Variants in ZNF577 observed in about 807,000 individuals in gnomAD.
ZNF577 encodes zinc finger protein 577.
ZNF577 carries 14 observed loss-of-function variants against 13.9 expected under a neutral mutation model. The ratio of observed to expected loss-of-function variants is 1.00; its 90% CI spans 0.66 to 1.57. The LOEUF (loss-of-function observed/expected upper bound fraction) is 1.57, where lower values mean the gene tolerates loss of function less well. ZNF577 is among the 40% of genes most tolerant of loss of function. The probability of loss-of-function intolerance (pLI) is 0.00; values close to 1 mark genes in which losing one functional copy is unlikely to be tolerated. For synonymous variants in ZNF577, 203 were observed against 202.9 expected (o/e 1.00, Z 0.00); for missense variants, 555 against 579.2 (o/e 0.96, Z 0.43).
chr19:51,818,888 CT>C (rs1438884026), intron 9 of ZNF577, among the ~76,000 whole-genome samples: 2 of 152,068 alleles, frequency 1.3e-5, no homozygotes, highest in African/African-American at 4.8e-5. Flanking sequence ...CTTATTTTTC[CT>C]TTTGAAATAT....
intron 5 of ZNF577, chr19:51,860,631 T>C (rs1283374541): frequency 5.8e-6 from 1 of 171,946 alleles, no homozygotes; most frequent in African/African-American, 2.4e-5. Flanking sequence ...ATCTGATGTA[T>C]ATGTCACTTT....
chr19:51,817,695 T>C (rs138797344), intron 9 of ZNF577: 3 of 152,336 alleles, frequency 2.0e-5, no homozygotes, highest in African/African-American at 7.2e-5. Flanking sequence ...TGAGGTGTTG[T>C]CTGATTCTAG....
chr19:51,858,958 TA>T (rs1449209151), intron 5 of ZNF577, among the ~76,000 whole-genome samples: 1 of 152,206 alleles, frequency 6.6e-6, no homozygotes, highest in Non-Finnish European at 1.5e-5. Context: ...TTCATCATTC[TA>T]AAAGAAAACC....
intron 6 of ZNF577, among the ~76,000 whole-genome samples, chr19:51,844,120 A>G (rs2084336899): frequency 6.6e-6 from 1 of 151,676 alleles, no homozygotes; most frequent in Non-Finnish European, 1.5e-5. Flanking sequence ...TTGTGCTACA[A>G]ATTAAATGAT....
At chr19:51,812,846 C>T (rs954875687) in intron 9 of ZNF577, among the ~76,000 whole-genome samples, 9 of 152,040 alleles carry the variant, frequency 5.9e-5, no homozygotes, top group Non-Finnish European at 7.4e-5. Flanking sequence ...TTAGGCCAGA[C>T]GTGGGGGCTC....
intron 5 of ZNF577, among the ~76,000 whole-genome samples, chr19:51,857,096 C>T (rs953708579): frequency 1.3e-5 from 2 of 152,138 alleles, no homozygotes; most frequent in South Asian, 2.1e-4. Context: ...GTCAAGAGAT[C>T]GAGACTATCC....
chr19:51,857,870 C>T (rs1183386188), intron 5 of ZNF577, among the ~76,000 whole-genome samples: 2 of 152,118 alleles, frequency 1.3e-5, no homozygotes, highest in African/African-American at 2.4e-5. Flanking sequence ...GATGGAGTCT[C>T]GTTACGTTGC....
chr19:51,873,476 G>A lies in ZNF577; in HGVS notation c.514C>T (p.Gln172Ter). Residue 172 changes from glutamine to a stop codon, truncating the protein, a stop_gained, in exon 6 of 6, where the codon CAG becomes TAG. Transcript: ENST00000638348. LOFTEE classifies it low-confidence loss of function (END_TRUNC). ...TCAGTTCTCTGATGTTGAATAAGCT[G>A]TGCTTTCCTGGAGAAGGCTCTCCCG... ...VCGRAFSRKA[Q>*]LIQHQRTERG... 6.2e-7 allele frequency: 1 copy of A among 1,614,156 alleles called. No individual in the cohort carries two copies. The highest frequency in any genetic ancestry group is 8.5e-7 in the Non-Finnish European group (1 of 1,180,030).
At chr19:51,835,895 G>T (rs1244378360) in intron 9 of ZNF577, among the ~76,000 whole-genome samples, 1 of 152,172 alleles carries the variant, frequency 6.6e-6, no homozygotes, top group East Asian at 1.9e-4. Flanking sequence ...GTTTCACCAT[G>T]TTGGTCAGGC....
At chr19:51,823,634 G>T in intron 9 of ZNF577, 1 of 864,936 alleles carries the variant, frequency 1.2e-6, no homozygotes. Context: ...AGGCTCACTG[G>T]GGAGGGTCTG....
intron 4 of ZNF577, chr19:51,877,899 T>C (rs989211150): frequency 1.3e-5 from 2 of 156,874 alleles, no homozygotes; most frequent in Admixed American, 1.2e-4. Flanking sequence ...AAAGGTGGTA[T>C]ATATATATAC....
At position 51,824,152 on chromosome 19, in the gene ZNF577, A is replaced by G. The variant is rs1238629595; in HGVS notation, c.*600-12478T>C. 1 of 1,614,030 alleles carries G rather than the reference A, an allele frequency of 6.2e-7. No individual in the cohort carries two copies. The highest frequency in any genetic ancestry group is 1.3e-5 in the African/African-American group (1 of 75,036). The stretch of plus-strand genomic sequence containing the variant: ...GTCCTGCATCCAGCCTGGGCCCAGA[A>G]CCATCGCACCATGAGTCTGGCCAAG... On this transcript the variant is annotated intron_variant and NMD_transcript_variant, in intron 9 of 10. Transcript: ENST00000638827. This position sits in a 1 kb window ranked among gnomAD's most constrained non-coding sequence, Gnocchi z 4.7.
chr19:51,809,626 A>G (rs2084083819), intron 10 of ZNF577, among the ~76,000 whole-genome samples: 1 of 152,210 alleles, frequency 6.6e-6, no homozygotes. Flanking sequence ...TTTCTCCTTC[A>G]TAATCAGAGT....
At chr19:51,854,072 T>A (rs1178437559) in intron 5 of ZNF577, among the ~76,000 whole-genome samples, 6 of 152,216 alleles carry the variant, frequency 3.9e-5, no homozygotes, top group Non-Finnish European at 7.3e-5. Context: ...TGTCTGAAAA[T>A]TTTTATAATA....
chr19:51,887,253 C>G lies in ZNF577; in HGVS notation c.-651G>C, dbSNP rs570532827. 2.0e-5 allele frequency: 3 copies of G among 152,234 alleles called. No individual in the cohort carries two copies. The South Asian group carries it at 6.2e-4, about 32-fold the overall frequency. The allele number at this position is 152,234 out of a possible 1,614,324, so 9.4% of individuals were successfully genotyped here. On this transcript the variant is annotated 5_prime_UTR_variant, in exon 1 of 6. Coordinates refer to ENST00000638348, the MANE Select transcript of ZNF577 (RefSeq NM_001370449.1). ...TCAATTCTACCCAAATTAAAGCAAC[C>G]ACTTGATGAAACTGCAGCAATTTAA...
chr19:51,848,272 C>T (rs1045350706), intron 5 of ZNF577, among the ~76,000 whole-genome samples: 8 of 152,138 alleles, frequency 5.3e-5, no homozygotes, highest in African/African-American at 1.9e-4. Flanking sequence ...CACGCTGCCT[C>T]GTTCTTCTAA....
At chr19:51,857,365 G>GGAAGGAAGGAAAGAAA (rs1338621079) in intron 5 of ZNF577, among the ~76,000 whole-genome samples, 2 of 93,356 alleles carry the variant, frequency 2.1e-5, no homozygotes, top group African/African-American at 9.6e-5. Context: ...AAAGAAGGAA[G>GGAAGGAAGGAAAGAAA]GAAAGAAAGA....
At chr19:51,842,976 T>A (rs1317569930) in intron 7 of ZNF577, 1 of 152,212 alleles carries the variant, frequency 6.6e-6, no homozygotes, top group Non-Finnish European at 1.5e-5. Context: ...AAGTTCTGTT[T>A]CAGGAAATGC....
chr19:51,886,060 A>G (rs544444702), intron 1 of ZNF577: 8 of 152,314 alleles, frequency 5.3e-5, no homozygotes, highest in Admixed American at 2.0e-4. Flanking sequence ...TTAGGATTTC[A>G]TTTATATAAA....
Sources: allele counts gnomAD v4.1 joint callset (sites outside exome capture counted in the v4.1 genomes callset), GRCh38; gene constraint gnomAD v4.1.1; non-coding constraint Gnocchi (gnomAD v3.1); transcripts MANE v1.5; gene names NCBI Gene and HGNC (gene_info 2026-07-23, HGNC 2026-07-21).